The following EXOC4 variants were observed in gnomAD, a reference collection of about 807,000 sequenced individuals.
The protein encoded by EXOC4 is SEC8-like 1.
A neutral mutation model predicts 107.2 loss-of-function variants in EXOC4; 71 were observed. The ratio of observed to expected loss-of-function variants is 0.66; its 90% CI spans 0.55 to 0.81. The LOEUF is 0.81. EXOC4 is among the 30% of genes least tolerant of loss of function. The pLI is 0.00. For missense variants in EXOC4, 1,108 were observed against 1,189.6 expected, an observed-to-expected ratio of 0.93 and a Z score of 1.01; for synonymous variants, 456 against 441.2, an observed-to-expected ratio of 1.03 and a Z score of -0.42.
chr7:133,789,116 G>A (rs888318784), intron 10 of EXOC4, among the ~76,000 whole-genome samples: 2 of 152,120 alleles, frequency 1.3e-5, no homozygotes, highest in Admixed American at 6.5e-5. Flanking sequence ...TTAAAACACA[G>A]GGTAGATTAT....
At chr7:133,610,160 T>C (rs1047630107) in intron 9 of EXOC4, among the ~76,000 whole-genome samples, 1 of 152,228 alleles carries the variant, frequency 6.6e-6, no homozygotes, top group Non-Finnish European at 1.5e-5. Context: ...GAGAATTCTT[T>C]AGGGAAGTTG....
intron 4 of EXOC4, among the ~76,000 whole-genome samples, chr7:133,308,760 A>G (rs1332512224): frequency 4.6e-5 from 7 of 152,218 alleles, no homozygotes; most frequent in Admixed American, 4.6e-4. Context: ...ATGATTTTCA[A>G]AAACAAATTT....
intron 14 of EXOC4, among the ~76,000 whole-genome samples, chr7:133,948,771 A>C (rs1424071484): frequency 2.0e-5 from 3 of 152,198 alleles, no homozygotes; most frequent in Admixed American, 1.3e-4. Flanking sequence ...ATGAGCATGA[A>C]ATGCAAAAGT....
intron 3 of EXOC4, among the ~76,000 whole-genome samples, chr7:133,300,249 G>C (rs937559403): frequency 1.3e-5 from 2 of 152,194 alleles, no homozygotes; most frequent in Admixed American, 6.5e-5. Context: ...CAGGCACTTG[G>C]CCTTGCTCCT....
chr7:133,645,822 C>T (rs1802976245), intron 10 of EXOC4, among the ~76,000 whole-genome samples: 2 of 152,246 alleles, frequency 1.3e-5, no homozygotes, highest in African/African-American at 4.8e-5. Flanking sequence ...TATGCACTTC[C>T]AAATGTATTT....
chr7:133,956,684 A>C (rs1483994347), intron 14 of EXOC4, among the ~76,000 whole-genome samples: 1 of 152,196 alleles, frequency 6.6e-6, no homozygotes, highest in Non-Finnish European at 1.5e-5. Context: ...GCAAAGACTG[A>C]AGCTAGAATA....
intron 10 of EXOC4, among the ~76,000 whole-genome samples, chr7:133,707,359 G>T (rs1260353108): frequency 2.0e-5 from 3 of 151,818 alleles, no homozygotes; most frequent in Non-Finnish European, 2.9e-5. Context: ...CTCCAGCCTG[G>T]GTGACAGAGT....
intron 14 of EXOC4, among the ~76,000 whole-genome samples, chr7:133,971,428 G>A (rs1801235159): frequency 1.4e-5 from 2 of 143,326 alleles, no homozygotes; most frequent in South Asian, 4.5e-4. Flanking sequence ...TGTATTCTAT[G>A]TAAGAATATG....
In EXOC4 at chr7:133,876,099, A is replaced by C. The variant is rs201218908; in HGVS notation, c.1735-19500A>C. Among the ~76,000 whole-genome samples, 6 of 152,242 alleles carry C rather than the reference A, an allele frequency of 3.9e-5. No homozygotes were observed. In the East Asian group the frequency reaches 1.2e-3, roughly 29 times the overall value. On this transcript the variant is annotated intron_variant, in intron 11 of 17. Coordinates refer to ENST00000253861, the MANE Select transcript of EXOC4 (RefSeq NM_021807.4). ...ATATCTGTTTGCTATAAGCTCATCT[A>C]TATTTGTGGCTTTTCATGTCTTTTA...
intron 5 of EXOC4, among the ~76,000 whole-genome samples, chr7:133,345,344 T>C (rs903580977): frequency 2.0e-5 from 3 of 152,180 alleles, no homozygotes; most frequent in Non-Finnish European, 4.4e-5. Flanking sequence ...TCTTGTTCTT[T>C]CCACTACATC....
At chr7:134,097,733 A>G in the EXOC4 span, among the ~76,000 whole-genome samples, 4 of 152,334 alleles carry the variant, frequency 2.6e-5, no homozygotes, top group South Asian at 8.3e-4. Context: ...CCATTTATCC[A>G]TAAGACCCTT....
At chr7:133,596,496 G>C (rs1462113931) in intron 9 of EXOC4, among the ~76,000 whole-genome samples, 1 of 152,130 alleles carries the variant, frequency 6.6e-6, no homozygotes, top group Non-Finnish European at 1.5e-5. Context: ...ATAATCGTTT[G>C]TTTGTTGTGT....
At chr7:134,039,174 G>A (rs1163914527) in intron 17 of EXOC4, among the ~76,000 whole-genome samples, 1 of 152,132 alleles carries the variant, frequency 6.6e-6, no homozygotes, top group Non-Finnish European at 1.5e-5. Context: ...ATAGATAATA[G>A]ATAAATGTAT....
At chr7:133,313,286 C>A (rs141803567) in intron 4 of EXOC4, among the ~76,000 whole-genome samples, 1 of 151,646 alleles carries the variant, frequency 6.6e-6, no homozygotes, top group Non-Finnish European at 1.5e-5. Flanking sequence ...CTTATTCTTT[C>A]TGAGTGTTCC....
At chr7:133,349,774 C>T (rs1016052159) in intron 5 of EXOC4, among the ~76,000 whole-genome samples, 1 of 152,066 alleles carries the variant, frequency 6.6e-6, no homozygotes, top group Non-Finnish European at 1.5e-5. Flanking sequence ...TACCATTTTA[C>T]ATTCCCAACA....
intron 17 of EXOC4, among the ~76,000 whole-genome samples, chr7:134,052,207 G>A (rs901811771): frequency 6.6e-6 from 1 of 152,164 alleles, no homozygotes; most frequent in African/African-American, 2.4e-5. Context: ...GACACGAGGG[G>A]AGAGATGGAG....
chr7:133,756,575 ATCC>A (rs1795922126), intron 10 of EXOC4, among the ~76,000 whole-genome samples: 1 of 152,192 alleles, frequency 6.6e-6, no homozygotes, highest in Non-Finnish European at 1.5e-5. Context: ...AAAGTTTTGA[ATCC>A]TCCTCCATTT....
At chr7:133,541,771 A>C (rs1738361159) in intron 9 of EXOC4, among the ~76,000 whole-genome samples, 2 of 152,076 alleles carry the variant, frequency 1.3e-5, no homozygotes, top group African/African-American at 4.8e-5. Flanking sequence ...GAAAATTCTT[A>C]GTGGATGTTG....
chr7:133,298,690 G>A (rs1794576129), intron 3 of EXOC4, among the ~76,000 whole-genome samples: 1 of 152,146 alleles, frequency 6.6e-6, no homozygotes, highest in Non-Finnish European at 1.5e-5. Flanking sequence ...GAACAGATCT[G>A]TTACAAGGCC....
Sources: gnomAD v4.1 joint callset for allele counts (sites outside exome capture counted in the v4.1 genomes callset) on GRCh38, gnomAD v4.1.1 for gene constraint, MANE v1.5 for transcripts, NCBI Gene and HGNC (gene_info 2026-07-23, HGNC 2026-07-21) for gene names.